FAM234A: variants seen among roughly 807,000 people sequenced by gnomAD.
FAM234A encodes the protein protein FAM234A.
A neutral mutation model predicts 49.1 loss-of-function variants in FAM234A; 42 were observed. That is an observed-to-expected ratio of 0.86 (90% CI 0.67 to 1.11). FAM234A has a LOEUF of 1.11. FAM234A is among the 50% of genes least tolerant of loss of function. The probability of loss-of-function intolerance (pLI) is 0.00; values close to 1 mark genes in which losing one functional copy is unlikely to be tolerated. For synonymous variants in FAM234A, 369 were observed against 316.2 expected, an observed-to-expected ratio of 1.17 and a Z score of -1.77; for missense variants, 815 against 745.2, an observed-to-expected ratio of 1.09 and a Z score of -1.09.
At chr16:244,639 C>T (rs886065608) in intron 1 of FAM234A, among the ~76,000 whole-genome samples, 1 of 150,692 alleles carries the variant, frequency 6.6e-6, no homozygotes, top group African/African-American at 2.4e-5. Context: ...GTAAAAATAG[C>T]ACAGGGCTGG....
Position 263,349 on chromosome 16 carries a change from G to A in FAM234A, c.1059G>A (p.Leu353=). The change falls in exon 9 of 13, where the codon CTG becomes CTA. Residue 353 remains leucine (L), a synonymous_variant. Coordinates refer to ENST00000399932, the MANE Select transcript of FAM234A (RefSeq NM_032039.4). Reference sequence around the variant, plus strand: ...TGGGCTCAGAGGCCTTCGTGCTGCTGGACGGGCAGGAGCTGACGCCTCGCT... The same window carrying A: ...TGGGCTCAGAGGCCTTCGTGCTGCTAGACGGGCAGGAGCTGACGCCTCGCT... ...LLVGSEAFVL[L]DGQELTPRWT... 1 of 1,612,856 alleles carries A rather than the reference G, an allele frequency of 6.2e-7. No individual in the cohort carries two copies.
chr16:267,266 A>G (rs1395991513), downstream of FAM234A, among the ~76,000 whole-genome samples: 29 of 151,958 alleles, frequency 1.9e-4, no homozygotes, highest in Admixed American at 1.9e-3. Flanking sequence ...GCGTCCCCAC[A>G]CACTACCCTG....
At chr16:236,148 G>T (rs1473981090) in intron 1 of FAM234A, among the ~76,000 whole-genome samples, 1 of 150,364 alleles carries the variant, frequency 6.7e-6, no homozygotes, top group African/African-American at 2.4e-5. Flanking sequence ...TTTAGTAGGG[G>T]TTTCACCATG....
chr16:253,792 C>T (rs948864220), intron 2 of FAM234A: 1 of 153,398 alleles, frequency 6.5e-6, no homozygotes, highest in African/African-American at 2.4e-5. Context: ...TTATTTAATC[C>T]TTAGAACAGG....
At chr16:258,929 C>T (rs140674935) in intron 3 of FAM234A, among the ~76,000 whole-genome samples, 4 of 152,274 alleles carry the variant, frequency 2.6e-5, no homozygotes, top group East Asian at 1.9e-4. Flanking sequence ...ACTACAGGCA[C>T]GTGCTACTAC....
In FAM234A at chr16:254,490, G is replaced by A; in HGVS notation, c.77G>A (p.Gly26Glu). Residue 26 changes from glycine (G) to glutamate (E), a missense_variant, in exon 3 of 13, where the codon GGA becomes GAA. Coordinates refer to ENST00000399932, the MANE Select transcript of FAM234A (RefSeq NM_032039.4). Reference sequence around the variant, plus strand: ...GAAAGAAAATCGCAGGAAAATCTGGGAAATCCATCAAAAAATGAGGATAAC... The same window carrying A: ...GAAAGAAAATCGCAGGAAAATCTGGAAAATCCATCAAAAAATGAGGATAAC... Reference protein sequence around the residue: ...NEERKSQENLGNPSKNEDNVK... With the variant: ...NEERKSQENLENPSKNEDNVK... The A allele has an allele frequency of 2.5e-6, 4 of 1,614,210 alleles. No homozygotes were observed. Among genetic ancestry groups the A allele is most frequent in the Non-Finnish European group, 3.4e-6 (4 of 1,180,028 alleles).
rs1426370529 is a variant in FAM234A at position 263,388 on chromosome 16, A to C, written c.1098A>C (p.Ala366=). The change falls in exon 9 of 13, where the codon GCA becomes GCC. Residue 366 remains alanine, a synonymous_variant. Coordinates refer to ENST00000399932, the MANE Select transcript of FAM234A (RefSeq NM_032039.4). ...QELTPRWTPK[A]AHVLRKPIFG... is the part of the protein sequence containing the mutation. ...TGACGCCTCGCTGGACACCCAAGGC[A>C]GCCCATGTCCTGAGGTACAGGGTTT... 2 of 1,610,586 alleles carry C rather than the reference A, an allele frequency of 1.2e-6. No homozygotes were observed. The highest frequency in any genetic ancestry group is 2.2e-5 in the South Asian group (2 of 91,084).
chr16:267,446 A>G (rs1464885219), downstream of FAM234A, among the ~76,000 whole-genome samples: 1 of 152,116 alleles, frequency 6.6e-6, no homozygotes, highest in African/African-American at 2.4e-5. Context: ...CACATGCACA[A>G]TACATTCACA....
At chr16:253,138 T>C (rs899380241) in intron 2 of FAM234A, among the ~76,000 whole-genome samples, 3 of 152,206 alleles carry the variant, frequency 2.0e-5, no homozygotes, top group Non-Finnish European at 4.4e-5. Context: ...AGGGGCCCTG[T>C]GCCTTTCCCA....
chr16:269,198 A>T (rs1047583640), downstream of FAM234A: 5 of 1,197,580 alleles, frequency 4.2e-6, no homozygotes, highest in African/African-American at 6.1e-5. Flanking sequence ...CTGGGCCAAG[A>T]CGGGGGTGGC....
intron 1 of FAM234A, among the ~76,000 whole-genome samples, chr16:238,152 G>A (rs2142191955): frequency 6.6e-6 from 1 of 152,256 alleles, no homozygotes; most frequent in African/African-American, 2.4e-5. Flanking sequence ...CTGAGTAGCT[G>A]AGATTACAGG....
chr16:242,305 C>T (rs887970348), intron 1 of FAM234A, among the ~76,000 whole-genome samples: 2 of 152,112 alleles, frequency 1.3e-5, no homozygotes, highest in Admixed American at 6.6e-5. Flanking sequence ...TCCCCTACCT[C>T]CCAGGCTGAA....
At chr16:251,650 T>G (rs1386230469) in intron 2 of FAM234A, among the ~76,000 whole-genome samples, 4 of 149,220 alleles carry the variant, frequency 2.7e-5, no homozygotes, top group African/African-American at 1.0e-4. Flanking sequence ...GTGCTGCGAT[T>G]ACAGGCATAA....
At chr16:268,478 G>T (rs2051771143), downstream of FAM234A, 5 of 497,044 alleles carry the variant, frequency 1.0e-5, no homozygotes, top group Non-Finnish European at 1.8e-5. Context: ...TGGGGGACTG[G>T]TGAGGCACTT....
downstream of FAM234A, chr16:269,106 G>T: frequency 1.1e-6 from 1 of 901,046 alleles, no homozygotes; most frequent in South Asian, 1.4e-5. Context: ...TTGCTGGAGG[G>T]AGGGAGGCTG....
chr16:241,374 G>T lies in FAM234A; in HGVS notation c.-140+6517G>T, dbSNP rs532385714. 5.3e-5 allele frequency among the ~76,000 whole-genome samples: 8 copies of T among 152,188 alleles called. No homozygotes were observed. In the South Asian group the frequency reaches 1.7e-3, roughly 32 times the overall value. Reference sequence around the variant, plus strand: ...AGGTGGGAGGATCACATGAACCCAGGAGTTACAGAGGAGCCTGGGCAACAT... The same window carrying T: ...AGGTGGGAGGATCACATGAACCCAGTAGTTACAGAGGAGCCTGGGCAACAT... On this transcript the variant is annotated intron_variant, in intron 1 of 12. Transcript: ENST00000399932.
rs968373096 is a variant in FAM234A at position 263,578 on chromosome 16, T to C, written c.1113-122T>C. 203 of 1,267,446 alleles carry C rather than the reference T, an allele frequency of 1.6e-4. 1 individual carries two copies. Among genetic ancestry groups the C allele is most frequent in the Middle Eastern group, 8.7e-4 (4 of 4,584 alleles). The allele number at this position is 1,267,446 out of a possible 1,614,324, so 78.5% of individuals were successfully genotyped here. ...CCTTGCCCCAGACGTCGGCTCCGTG[T>C]CCTGGGCCCTGGTCCAGATGTGGCC... On this transcript the variant is annotated intron_variant, in intron 9 of 12. Transcript: ENST00000399932.
intron 1 of FAM234A, among the ~76,000 whole-genome samples, chr16:244,887 T>C (rs2050752113): frequency 6.6e-6 from 1 of 151,054 alleles, no homozygotes; most frequent in South Asian, 2.1e-4. Context: ...AGATGGGGTT[T>C]CTCCATGTTG....
intron 2 of FAM234A, among the ~76,000 whole-genome samples, chr16:250,862 G>A (rs1342383572): frequency 6.6e-6 from 1 of 152,160 alleles, no homozygotes; most frequent in African/African-American, 2.4e-5. Context: ...CAGAATTTTA[G>A]TTTTTACCAT....
Sources: gnomAD v4.1 joint callset for allele counts (sites outside exome capture counted in the v4.1 genomes callset) on GRCh38, gnomAD v4.1.1 for gene constraint, MANE v1.5 for transcripts, NCBI Gene and HGNC (gene_info 2026-07-23, HGNC 2026-07-21) for gene names.